The following NUP153 variants were observed in gnomAD, a reference collection of about 807,000 sequenced individuals.
NUP153 encodes the protein nuclear pore complex protein Nup153.
Under a neutral mutation model 134.6 loss-of-function variants are expected in NUP153, and 27 were observed. The ratio of observed to expected loss-of-function variants is 0.20; its 90% confidence interval spans 0.15 to 0.28. The LOEUF (loss-of-function observed/expected upper bound fraction) is 0.28, where lower values mean the gene tolerates loss of function less well. Ranked by LOEUF, NUP153 falls within the 10% of genes least tolerant of loss-of-function variation. The pLI, the probability that NUP153 is intolerant of heterozygous loss-of-function variation, is 1.00. For missense variants in NUP153, 1,821 were observed against 1,731.3 expected (o/e 1.05, Z -0.92); for synonymous variants, 640 against 623.5 (o/e 1.03, Z -0.40).
chr6:17,687,175 G>A (rs1008087790), intron 2 of NUP153, among the ~76,000 whole-genome samples: 4 of 152,132 alleles, frequency 2.6e-5, no homozygotes, highest in African/African-American at 7.2e-5. Flanking sequence ...CTAAATTCTT[G>A]AAGTTAGTTA....
In NUP153 at chr6:17,675,072, A is replaced by T; in HGVS notation, c.724-39T>A. The T allele has an allele frequency of 6.2e-7, 1 of 1,608,910 alleles. No individual in the cohort carries two copies. Among genetic ancestry groups the T allele is most frequent in the Non-Finnish European group, 8.5e-7 (1 of 1,177,126 alleles). On this transcript the variant is annotated intron_variant, in intron 4 of 21. Coordinates refer to ENST00000262077, the MANE Select transcript of NUP153 (RefSeq NM_005124.4). The surrounding 1 kb of genome is among the most constrained non-coding windows in gnomAD (Gnocchi z 4.4). ...GAATGATAAATTATAAGCCATATGA[A>T]CCCAGGAGGTGGAGGTTGCAGTGAG... is the stretch of plus-strand genomic sequence containing the variant.
At chr6:17,687,460 A>T (rs1476855081) in intron 2 of NUP153, among the ~76,000 whole-genome samples, 1 of 152,244 alleles carries the variant, frequency 6.6e-6, no homozygotes, top group Non-Finnish European at 1.5e-5. Context: ...AAGTACAGAC[A>T]TTAAAACTTA....
intron 5 of NUP153, among the ~76,000 whole-genome samples, chr6:17,674,482 C>G (rs991116195): frequency 6.6e-6 from 1 of 152,092 alleles, no homozygotes. Context: ...TAAATCAAAA[C>G]TACTGGCCGG....
At chr6:17,691,501 A>T (rs1769271440) in intron 1 of NUP153, among the ~76,000 whole-genome samples, 1 of 152,218 alleles carries the variant, frequency 6.6e-6, no homozygotes. Context: ...GTGGTGGCTC[A>T]TGCCTGTAAT....
chr6:17,637,143 A>G lies in NUP153; in HGVS notation c.2464+10T>C. 2 of 1,594,226 alleles carry G rather than the reference A, an allele frequency of 1.3e-6. No homozygotes were observed. The highest frequency in any genetic ancestry group is 3.5e-5 in the Admixed American group (2 of 57,880). The stretch of plus-strand genomic sequence containing the variant: ...ATAAGCAAAATTACTCCATAAAGCC[A>G]AAAACATACCTGGTTTCTCAGACAT... On this transcript the variant is annotated intron_variant, in intron 16 of 21. Coordinates refer to ENST00000262077, the MANE Select transcript of NUP153 (RefSeq NM_005124.4).
intron 2 of NUP153, among the ~76,000 whole-genome samples, chr6:17,688,050 C>T (rs1249230349): frequency 6.6e-6 from 1 of 151,798 alleles, no homozygotes; most frequent in African/African-American, 2.4e-5. Context: ...ATTCGGGAGG[C>T]GGAGCTTGCA....
rs1561916995 is a variant in NUP153 at position 17,701,846 on chromosome 6, A to AGGGG, written c.111+4430_111+4431insCCCC. On this transcript the variant is annotated intron_variant, in intron 1 of 21. Coordinates refer to ENST00000262077, the MANE Select transcript of NUP153 (RefSeq NM_005124.4). The stretch of plus-strand genomic sequence containing the variant: ...AGACTCTGTCTCGGGGGGGGGGGGA[A>AGGGG]AAAAGCTAAATGCAGGAACTGACTT... Among the ~76,000 whole-genome samples, 644 of 65,514 alleles carry AGGGG rather than the reference A, an allele frequency of 9.8e-3. 53 individuals are homozygous for AGGGG. Among genetic ancestry groups the AGGGG allele is most frequent in the Non-Finnish European group, 0.015 (427 of 27,970 alleles). The allele number at this position is 65,514 out of a possible 152,430, so 43.0% of individuals were successfully genotyped here. A position where few individuals can be genotyped will look rare whatever the true frequency, so the allele number is the denominator to read the frequency against.
intron 18 of NUP153, among the ~76,000 whole-genome samples, chr6:17,626,499 T>C (rs1444854821): frequency 2.0e-5 from 3 of 152,256 alleles, no homozygotes; most frequent in Non-Finnish European, 4.4e-5. Context: ...TACTTTTATA[T>C]GTTTTATTTT....
At chr6:17,650,668 C>A (rs1332832271) in intron 11 of NUP153, among the ~76,000 whole-genome samples, 1 of 151,942 alleles carries the variant, frequency 6.6e-6, no homozygotes, top group African/African-American at 2.4e-5. Flanking sequence ...ACCTGCTCTA[C>A]AAGTTCTTCA....
intron 1 of NUP153, among the ~76,000 whole-genome samples, chr6:17,700,440 C>A (rs1232515482): frequency 6.6e-6 from 1 of 152,218 alleles, no homozygotes; most frequent in African/African-American, 2.4e-5. Flanking sequence ...TTCCTAACAA[C>A]TATCCTATCA....
chr6:17,626,265 T>C (rs1764944094), intron 18 of NUP153, 101 bp from the exon 19 acceptor site: 13 of 814,822 alleles, frequency 1.6e-5, no homozygotes, highest in Non-Finnish European at 2.6e-5. Flanking sequence ...TACCCTAGAA[T>C]TCGCTAGAAA....
chr6:17,658,296 T>C (rs1766960730), intron 11 of NUP153, among the ~76,000 whole-genome samples: 1 of 152,164 alleles, frequency 6.6e-6, no homozygotes, highest in Non-Finnish European at 1.5e-5. Context: ...CTCGGGAGGC[T>C]GAGGCACAAA....
intron 1 of NUP153, among the ~76,000 whole-genome samples, chr6:17,694,027 T>C (rs1769462212): frequency 6.6e-6 from 1 of 152,220 alleles, no homozygotes; most frequent in Non-Finnish European, 1.5e-5. Flanking sequence ...TTTTCTATAT[T>C]TTTTTCAAAA....
chr6:17,660,695 T>C (rs926629572), intron 11 of NUP153, among the ~76,000 whole-genome samples: 2 of 152,142 alleles, frequency 1.3e-5, no homozygotes, highest in African/African-American at 4.8e-5. Flanking sequence ...CCAAGATCTA[T>C]CTATTGTCAT....
chr6:17,620,341 G>A lies in NUP153; in HGVS notation c.4175-3646C>T, dbSNP rs183377733. Among the ~76,000 whole-genome samples the A allele has an allele frequency of 1.4e-3, 218 of 152,154 alleles. 4 individuals carry two copies. The highest frequency in any genetic ancestry group is 0.012 in the Admixed American group (182 of 15,272). On this transcript the variant is annotated intron_variant, in intron 20 of 21. Coordinates refer to ENST00000262077, the MANE Select transcript of NUP153 (RefSeq NM_005124.4). ...ATAGAGAATTCAGAAACAAATCCAC[G>A]TATTTACAGCCAACTGATTTTCGAC...
chr6:17,645,242 CAAAAAAAAA>C (rs1010515280), intron 14 of NUP153, among the ~76,000 whole-genome samples: 1 of 68,806 alleles, frequency 1.5e-5, no homozygotes, highest in Non-Finnish European at 3.2e-5. Flanking sequence ...GACTCTGTCT[CAAAAAAAAA>C]AAAAAAAAAG....
intron 2 of NUP153, among the ~76,000 whole-genome samples, chr6:17,682,642 G>C (rs1768658420): frequency 6.6e-6 from 1 of 152,110 alleles, no homozygotes; most frequent in Non-Finnish European, 1.5e-5. Flanking sequence ...ACTTTTGCCA[G>C]GTGTGGTGGC....
chr6:17,672,675 A>AAAAAAACAAAAAAC (rs756798667), intron 5 of NUP153, among the ~76,000 whole-genome samples: 1 of 151,992 alleles, frequency 6.6e-6, no homozygotes, highest in Non-Finnish European at 1.5e-5. Flanking sequence ...CCCATATGTT[A>AAAAAAACAAAAAAC]AAAAAACAAA....
At chr6:17,644,064 T>C (rs2113792991) in intron 14 of NUP153, among the ~76,000 whole-genome samples, 1 of 152,232 alleles carries the variant, frequency 6.6e-6, no homozygotes, top group African/African-American at 2.4e-5. Flanking sequence ...AAAAAAAAGA[T>C]AAGGTTGCAA....
Sources: gnomAD v4.1 joint callset for allele counts (sites outside exome capture counted in the v4.1 genomes callset) on GRCh38, gnomAD v4.1.1 for gene constraint, Gnocchi (gnomAD v3.1) non-coding constraint, MANE v1.5 for transcripts, NCBI Gene and HGNC (gene_info 2026-07-23, HGNC 2026-07-21) for gene names.